PI4KA: variants seen among roughly 807,000 people sequenced by gnomAD.
PI4KA encodes phosphatidylinositol 4-kinase alpha.
PI4KA carries 122 observed loss-of-function variants against 271.4 expected under a neutral mutation model. The ratio of observed to expected loss-of-function variants is 0.45; its 90% CI spans 0.39 to 0.52. PI4KA has a LOEUF of 0.52. PI4KA is among the 20% of genes least tolerant of loss of function. The pLI, the probability that PI4KA is intolerant of heterozygous loss-of-function variation, is 0.00. For missense variants in PI4KA, 1,969 were observed against 2,769.1 expected (o/e 0.71, Z 6.48); for synonymous variants, 1,041 against 1,078.8 (o/e 0.96, Z 0.69).
At chr22:20,794,957 A>G (rs140884298) in intron 18 of PI4KA, among the ~76,000 whole-genome samples, 7 of 152,282 alleles carry the variant, frequency 4.6e-5, no homozygotes, top group African/African-American at 1.7e-4. Context: ...AAATATTTAC[A>G]CTCTGGCCCT....
In PI4KA at chr22:20,714,507, C is replaced by T; in HGVS notation, c.5412G>A (p.Leu1804=). The T allele has an allele frequency of 6.2e-7, 1 of 1,613,598 alleles. No homozygotes were observed. Among genetic ancestry groups the T allele is most frequent in the Non-Finnish European group, 8.5e-7 (1 of 1,179,656 alleles). ...CACATCGCTTCACCTTGAACTTGGC[C>T]AGATATGGGGCTTTTGCAGCACTGA... is the stretch of plus-strand genomic sequence containing the variant. ...PMQSAAKAPY[L]AKFKVKRCGV... Residue 1804 remains leucine (L), a synonymous_variant, in exon 47 of 55, where the codon CTG becomes CTA. Coordinates refer to ENST00000255882, the MANE Select transcript of PI4KA (RefSeq NM_058004.4).
chr22:20,802,949 C>T (rs1183295119), intron 13 of PI4KA, among the ~76,000 whole-genome samples: 1 of 152,142 alleles, frequency 6.6e-6, no homozygotes, highest in African/African-American at 2.4e-5. Flanking sequence ...TTTCAGACTT[C>T]CACAGTGAAA....
At chr22:20,729,282 C>T (rs768266784) in intron 39 of PI4KA, 31 bp downstream of exon 39, 79 of 1,596,192 alleles carry the variant, frequency 4.9e-5, no homozygotes, top group Non-Finnish European at 6.1e-5. Context: ...CTGGTGAGGC[C>T]TGTGTCAGGC....
At chr22:20,709,875 C>T (rs1212864645) in intron 53 of PI4KA, 33 bp downstream of exon 53, 20 of 1,166,216 alleles carry the variant, frequency 1.7e-5, no homozygotes, top group Non-Finnish European at 2.6e-5. Context: ...CAACTGTCCC[C>T]CAGATGGCCT....
chr22:20,733,215 C>T (rs1928280443), intron 35 of PI4KA, 117 bp from the exon 36 acceptor site: 1 of 1,130,750 alleles, frequency 8.8e-7, no homozygotes, highest in African/African-American at 1.5e-5. Flanking sequence ...AAGGTCAGCC[C>T]AAAGCCAGTC....
chr22:20,729,636 A>G lies in PI4KA; in HGVS notation c.4484T>C (p.Leu1495Pro). Residue 1495 changes from leucine to proline, a missense_variant, in exon 38 of 55, where the codon CTG (leucine) becomes CCG (proline). This residue lies in a region of PI4KA where 388 missense variants were observed against 521.5 expected (regional missense o/e 0.74). Transcript: ENST00000255882. ...YMKRRTLLLS[L>P]LATEIERLIT... is the part of the protein sequence containing the mutation. ...AGCTGCACCTGTGGGCCTTACCAGCAGGGACAGCAGCAGCGTCCTGCGCTT... is the reference window on the plus strand; with the variant it reads ...AGCTGCACCTGTGGGCCTTACCAGCGGGGACAGCAGCAGCGTCCTGCGCTT... 1 of 1,568,740 alleles carries G rather than the reference A, an allele frequency of 6.4e-7. No individual in the cohort carries two copies. Among genetic ancestry groups the G allele is most frequent in the Non-Finnish European group, 8.7e-7 (1 of 1,155,522 alleles).
rs749070592 is a variant in PI4KA, at chr22:20,729,480, T to A, written c.4515A>T (p.Thr1505=). Residue 1505 remains threonine, a synonymous_variant, in exon 39 of 55, where the codon ACA becomes ACT. Coordinates refer to ENST00000255882, the MANE Select transcript of PI4KA (RefSeq NM_058004.4). ...CCGGGGCTGACAGCGGGTTGTACCA[T>A]GTGATGAGACGCTCGATCTCAGTGG... ...LLATEIERLI[T]WYNPLSAPEL... 6.2e-7 allele frequency: 1 copy of A among 1,605,992 alleles called. No homozygotes were observed. The highest frequency in any genetic ancestry group is 8.5e-7 in the Non-Finnish European group (1 of 1,175,830).
rs911052480 is a variant in PI4KA, at chr22:20,717,573, G to A, written c.5317+135C>T. 15 of 731,692 alleles carry A rather than the reference G, an allele frequency of 2.1e-5. No individual in the cohort carries two copies. In the African/African-American group the frequency reaches 2.4e-4, roughly 12 times the overall value. The allele number at this position is 731,692 out of a possible 1,614,324, so 45.3% of individuals were successfully genotyped here. On this transcript the variant is annotated intron_variant, in intron 45 of 54. Transcript: ENST00000255882. ...GGGTCCTGGGGCACCAGGCACCGTGGGCCCAAGCAGGTGTGGGGCTGGCCA... is the reference window on the plus strand; with the variant it reads ...GGGTCCTGGGGCACCAGGCACCGTGAGCCCAAGCAGGTGTGGGGCTGGCCA...
At chr22:20,722,417 C>T (rs1049774411) in intron 42 of PI4KA, among the ~76,000 whole-genome samples, 15 of 152,140 alleles carry the variant, frequency 9.9e-5, no homozygotes, top group Admixed American at 7.9e-4. Flanking sequence ...GAACTCCTCA[C>T]CTCAGGTGAT....
At chr22:20,819,383 C>CTT (rs201500353) in intron 6 of PI4KA, among the ~76,000 whole-genome samples, 1 of 147,360 alleles carries the variant, frequency 6.8e-6, no homozygotes, top group African/African-American at 2.5e-5. Flanking sequence ...GGCGATAAGG[C>CTT]TTTTTTTTTA....
intron 3 of PI4KA, among the ~76,000 whole-genome samples, chr22:20,830,166 T>C (rs573537273): frequency 9.9e-5 from 15 of 152,210 alleles, no homozygotes; most frequent in South Asian, 2.1e-4. Context: ...TGGTCAAGTG[T>C]CGAGTTTAAA....
chr22:20,798,418 T>TG (rs1208052557), intron 17 of PI4KA, 166 bp downstream of exon 17: 2 of 607,736 alleles, frequency 3.3e-6, no homozygotes, highest in South Asian at 1.9e-5. Flanking sequence ...CACCTCCAGG[T>TG]GGGGGCCACA....
At chr22:20,721,190 C>G (rs185343929) in intron 43 of PI4KA, 108 bp downstream of exon 43, 2 of 1,160,374 alleles carry the variant, frequency 1.7e-6, no homozygotes, top group Non-Finnish European at 2.6e-6. Context: ...GTGGAGGGGT[C>G]GGTGAGCTGG....
At chr22:20,834,888 G>C (rs994809935) in intron 2 of PI4KA, among the ~76,000 whole-genome samples, 28 of 152,178 alleles carry the variant, frequency 1.8e-4, no homozygotes, top group African/African-American at 6.3e-4. Context: ...CCTAAGGAAG[G>C]GTTCGCACCT....
intron 52 of PI4KA, chr22:20,710,375 C>A: frequency 3.7e-6 from 2 of 535,090 alleles, no homozygotes; most frequent in East Asian, 3.3e-5. Context: ...GAAACTGGGA[C>A]AAAGCCCATC....
chr22:20,751,647 G>C (rs1010384212), intron 26 of PI4KA, 27 bp downstream of exon 26: 1 of 1,591,118 alleles, frequency 6.3e-7, no homozygotes, highest in Non-Finnish European at 8.6e-7. Flanking sequence ...GTGGTGTTTG[G>C]GCCCTAGGTC....
chr22:20,759,143 C>T (rs1931664121), intron 23 of PI4KA, among the ~76,000 whole-genome samples: 1 of 152,100 alleles, frequency 6.6e-6, no homozygotes, highest in Non-Finnish European at 1.5e-5. Flanking sequence ...TTGAACTGGG[C>T]TCAAGGGATC....
intron 4 of PI4KA, among the ~76,000 whole-genome samples, chr22:20,823,556 T>A (rs1922987736): frequency 6.6e-6 from 1 of 152,190 alleles, no homozygotes; most frequent in Non-Finnish European, 1.5e-5. Context: ...CAGGAAAGTA[T>A]GAAATACATG....
At chr22:20,780,633 G>T (rs1003433588) in intron 19 of PI4KA, among the ~76,000 whole-genome samples, 1 of 151,988 alleles carries the variant, frequency 6.6e-6, no homozygotes, top group Non-Finnish European at 1.5e-5. Context: ...AAAATTAGCT[G>T]GGCCTGGCGG....
Sources: gnomAD v4.1 joint callset for allele counts (sites outside exome capture counted in the v4.1 genomes callset) on GRCh38, gnomAD v4.1.1 for gene constraint, gnomAD v4.1.1 regional missense constraint, MANE v1.5 for transcripts, NCBI Gene and HGNC (gene_info 2026-07-23, HGNC 2026-07-21) for gene names.